AGBL1: variants seen among roughly 807,000 people sequenced by gnomAD.
AGBL1 encodes AGBL carboxypeptidase 1.
A neutral mutation model predicts 118.9 loss-of-function variants in AGBL1; 130 were observed. That is an observed-to-expected ratio of 1.09 (90% CI 0.95 to 1.26). The LOEUF (loss-of-function observed/expected upper bound fraction) is 1.26. Among genes scored for constraint, AGBL1 ranks in the 50% most tolerant of loss-of-function variants. AGBL1 has a pLI of 0.00. For synonymous variants in AGBL1, 555 were observed against 478.9 expected (o/e 1.16, Z -2.08); for missense variants, 1,584 against 1,298.1 (o/e 1.22, Z -3.38).
chr15:86,852,417 G>A (rs986636015), intron 22 of AGBL1, among the ~76,000 whole-genome samples: 1 of 152,042 alleles, frequency 6.6e-6, no homozygotes, highest in African/African-American at 2.4e-5. Context: ...TTTGGGTGGG[G>A]ACACAGAGCC....
intron 23 of AGBL1, among the ~76,000 whole-genome samples, chr15:86,944,024 G>A (rs2080786593): frequency 6.6e-6 from 1 of 152,134 alleles, no homozygotes; most frequent in South Asian, 2.1e-4. Context: ...AAAAAAGTAT[G>A]CCTAAGATAA....
chr15:86,534,415 C>T (rs34676405), intron 19 of AGBL1, among the ~76,000 whole-genome samples: 3,878 of 152,234 alleles, frequency 0.025, 74 homozygotes, highest in Non-Finnish European at 0.039. Flanking sequence ...ATCTGTAGGC[C>T]TATGATCTCT....
chr15:86,219,945 C>CTTTT (rs68023928), intron 5 of AGBL1, among the ~76,000 whole-genome samples: 4,483 of 85,724 alleles, frequency 0.052, 455 homozygotes, highest in East Asian at 0.13. Context: ...AATGCTGCCT[C>CTTTT]TTTTTTTTTT....
At chr15:86,942,983 C>G (rs1427697695) in intron 23 of AGBL1, among the ~76,000 whole-genome samples, 1 of 152,214 alleles carries the variant, frequency 6.6e-6, no homozygotes, top group Admixed American at 6.5e-5. Context: ...TCACCATCTT[C>G]TTAGCCTCAC....
chr15:86,146,507 G>C (rs1311914095), intron 3 of AGBL1, among the ~76,000 whole-genome samples: 2 of 152,194 alleles, frequency 1.3e-5, no homozygotes, highest in Admixed American at 6.5e-5. Context: ...TAATTCCAGG[G>C]TGCTGTGAGG....
intron 21 of AGBL1, among the ~76,000 whole-genome samples, chr15:86,669,120 T>A (rs2085696841): frequency 6.6e-6 from 1 of 152,106 alleles, no homozygotes; most frequent in Non-Finnish European, 1.5e-5. Context: ...AAGTTTAGCA[T>A]TTTAAAAATT....
At chr15:86,382,151 G>C (rs566103057) in intron 17 of AGBL1, among the ~76,000 whole-genome samples, 2 of 151,042 alleles carry the variant, frequency 1.3e-5, no homozygotes, top group Non-Finnish European at 2.9e-5. Flanking sequence ...AGTCCCAGGG[G>C]ATGGGGGGCA....
At chr15:86,604,230 G>A (rs2084539238) in intron 21 of AGBL1, among the ~76,000 whole-genome samples, 1 of 151,904 alleles carries the variant, frequency 6.6e-6, no homozygotes, top group South Asian at 2.1e-4. Context: ...ATATGAAATT[G>A]TAGGCAATTA....
intron 21 of AGBL1, among the ~76,000 whole-genome samples, chr15:86,672,226 C>G (rs1302675050): frequency 6.6e-6 from 1 of 152,208 alleles, no homozygotes; most frequent in African/African-American, 2.4e-5. Flanking sequence ...GTACAAGTTC[C>G]TTTAATCAAG....
At chr15:86,128,535 A>C (rs2076777353) in intron 1 of AGBL1, among the ~76,000 whole-genome samples, 2 of 152,230 alleles carry the variant, frequency 1.3e-5, no homozygotes, top group African/African-American at 2.4e-5. Flanking sequence ...AGGAAGCTGG[A>C]TCACCAGGCG....
chr15:86,346,324 TA>T (rs578052945), intron 17 of AGBL1, among the ~76,000 whole-genome samples: 45 of 151,464 alleles, frequency 3.0e-4, no homozygotes, highest in South Asian at 1.7e-3. Context: ...ATATAGGATA[TA>T]AGCTCATTCT....
chr15:86,766,802 G>A (rs2078102956), intron 22 of AGBL1, among the ~76,000 whole-genome samples: 2 of 151,518 alleles, frequency 1.3e-5, no homozygotes, highest in Admixed American at 1.3e-4. Context: ...AAGGAAACAG[G>A]GAAACAAGAA....
chr15:86,124,159 A>G (rs1898261864), intron 1 of AGBL1, among the ~76,000 whole-genome samples: 1 of 152,004 alleles, frequency 6.6e-6, no homozygotes, highest in African/African-American at 2.4e-5. Flanking sequence ...GTGCAATCCC[A>G]TCTCTACTGA....
intron 1 of AGBL1, among the ~76,000 whole-genome samples, chr15:86,081,523 C>T (rs1210470587): frequency 6.6e-6 from 1 of 152,192 alleles, no homozygotes; most frequent in African/African-American, 2.4e-5. Context: ...TCCTTTGACT[C>T]ATTCTATCTG....
chr15:86,479,834 C>A (rs1278015964), intron 18 of AGBL1, among the ~76,000 whole-genome samples: 1 of 152,064 alleles, frequency 6.6e-6, no homozygotes, highest in Non-Finnish European at 1.5e-5. Context: ...TGGAACCAAC[C>A]CAAATGTCCA....
chr15:86,815,529 G>A (rs1446997491), intron 22 of AGBL1, among the ~76,000 whole-genome samples: 7 of 152,122 alleles, frequency 4.6e-5, no homozygotes, highest in Non-Finnish European at 1.0e-4. Context: ...AAGTTGGTCA[G>A]GATCACCACA....
intron 3 of AGBL1, among the ~76,000 whole-genome samples, chr15:86,148,133 C>T (rs2083977): frequency 0.15 from 23,150 of 152,144 alleles, 2,048 homozygotes; most frequent in Admixed American, 0.2. Flanking sequence ...AGATCACCAA[C>T]GTCAAAGACC....
In AGBL1 at chr15:86,825,063, AAAAC is replaced by A. The variant is rs377742748; in HGVS notation, c.3159-82012_3159-82009del. Among the ~76,000 whole-genome samples, 13 of 152,196 alleles carry A rather than the reference AAAAC, an allele frequency of 8.5e-5. No individual in the cohort carries two copies. In the East Asian group the frequency reaches 1.7e-3, roughly 20 times the overall value. The stretch of plus-strand genomic sequence containing the variant: ...CAGAGTGAGACTCTGTCTCAAAACA[AAAAC>A]AAACAAACAAAACAAAAAACAAACA... On this transcript the variant is annotated intron_variant, in intron 22 of 22. Transcript: ENST00000614907.
At chr15:86,889,257 G>T (rs4887516) in intron 22 of AGBL1, among the ~76,000 whole-genome samples, 1 of 150,986 alleles carries the variant, frequency 6.6e-6, no homozygotes, top group South Asian at 2.1e-4. Flanking sequence ...TGGCGATACC[G>T]CTTACTATAG....
Sources: gnomAD v4.1 joint callset for allele counts (sites outside exome capture counted in the v4.1 genomes callset) on GRCh38, gnomAD v4.1.1 for gene constraint, MANE v1.5 for transcripts, NCBI Gene and HGNC (gene_info 2026-07-23, HGNC 2026-07-21) for gene names.